Variants in NFATC1 observed in about 807,000 individuals in gnomAD.
The protein encoded by NFATC1 is nuclear factor of activated T-cells, cytoplasmic 1.
NFATC1 carries 22 observed loss-of-function variants against 76.0 expected under a neutral mutation model. That is an observed-to-expected ratio of 0.29 (90% CI 0.21 to 0.41). The LOEUF (loss-of-function observed/expected upper bound fraction) is 0.41. Ranked by LOEUF, NFATC1 falls within the 10% of genes least tolerant of loss-of-function variation. NFATC1 has a pLI of 1.00. For synonymous variants in NFATC1, 704 were observed against 613.1 expected (o/e 1.15, Z -2.19); for missense variants, 1,357 against 1,337.7 (o/e 1.01, Z -0.23).
chr18:79,444,958 A>G (rs1380340821), intron 3 of NFATC1, among the ~76,000 whole-genome samples: 6 of 152,220 alleles, frequency 3.9e-5, no homozygotes, highest in Non-Finnish European at 8.8e-5. Context: ...AGCCCCGGCA[A>G]GCACAGAAAT....
rs780292393 is a variant in NFATC1 at position 79,411,520 on chromosome 18, G to GCGGGA, written c.1226+24_1226+28dup. 11 of 1,439,462 alleles carry GCGGGA rather than the reference G, an allele frequency of 7.6e-6. No individual in the cohort carries two copies. The highest frequency in any genetic ancestry group is 7.3e-5 in the African/African-American group (5 of 68,134). The allele number at this position is 1,439,462 out of a possible 1,614,324, so 89.2% of individuals were successfully genotyped here. On this transcript the variant is annotated intron_variant, in intron 2 of 9. Coordinates refer to ENST00000427363, the MANE Select transcript of NFATC1 (RefSeq NM_001278669.2). The stretch of plus-strand genomic sequence containing the variant: ...ACATGAGGTGAGCCGGCAGCGCGGG[G>GCGGGA]CGGGACGGGGAGGCGAGGGGAGGCG...
rs547823058 is a variant in NFATC1, at chr18:79,513,232, G to A, written c.2783-14296G>A. On this transcript the variant is annotated intron_variant, in intron 9 of 9. Transcript: ENST00000427363. Reference sequence around the variant, plus strand: ...CCGGGTTCAGGGCACTGGGACCGCTGCAGAGACGCCGTCCCCGGCCCCCAC... The same window carrying A: ...CCGGGTTCAGGGCACTGGGACCGCTACAGAGACGCCGTCCCCGGCCCCCAC... Among the ~76,000 whole-genome samples the A allele has an allele frequency of 3.3e-5, 5 of 152,362 alleles. No individual in the cohort carries two copies. The East Asian group carries it at 7.7e-4, about 24-fold the overall frequency.
chr18:79,429,190 C>T (rs946829112), intron 2 of NFATC1, among the ~76,000 whole-genome samples: 9 of 146,106 alleles, frequency 6.2e-5, no homozygotes, highest in Non-Finnish European at 8.9e-5. Flanking sequence ...CACTGCACTC[C>T]AGCCTGGGCC....
intron 8 of NFATC1, among the ~76,000 whole-genome samples, chr18:79,476,676 G>T (rs1298557668): frequency 6.6e-6 from 1 of 152,224 alleles, no homozygotes; most frequent in Non-Finnish European, 1.5e-5. Flanking sequence ...CTGAGGGAAA[G>T]GGAATTCTCT....
intron 8 of NFATC1, among the ~76,000 whole-genome samples, chr18:79,480,319 C>T (rs1273765723): frequency 6.6e-6 from 1 of 152,134 alleles, no homozygotes; most frequent in East Asian, 1.9e-4. Flanking sequence ...GAGGGAGCGC[C>T]TGCCTGTGGG....
intron 2 of NFATC1, among the ~76,000 whole-genome samples, chr18:79,414,793 C>T (rs1328339439): frequency 2.6e-5 from 4 of 152,134 alleles, no homozygotes; most frequent in Non-Finnish European, 4.4e-5. Context: ...GGGGTAATGA[C>T]GGTGATCATA....
At position 79,465,617 on chromosome 18, in the gene NFATC1, C is replaced by T. The variant is rs2088444815; in HGVS notation, c.1960-1833C>T. Among the ~76,000 whole-genome samples the T allele has an allele frequency of 6.6e-6, 1 of 152,250 alleles. No homozygotes were observed. The highest frequency in any genetic ancestry group is 2.1e-4 in the South Asian group (1 of 4,832). ...ACTCCTCGCTGCTGCCTGTGAGTGCCTCCCGGCCCGTTACTATTTCAGTCT... is the reference window on the plus strand; with the variant it reads ...ACTCCTCGCTGCTGCCTGTGAGTGCTTCCCGGCCCGTTACTATTTCAGTCT... On this transcript the variant is annotated intron_variant, in intron 7 of 9. Transcript: ENST00000427363. The surrounding 1 kb of genome is among the most constrained non-coding windows in gnomAD (Gnocchi z 4.2).
At chr18:79,501,161 G>A (rs1353565631) in intron 9 of NFATC1, among the ~76,000 whole-genome samples, 3 of 152,134 alleles carry the variant, frequency 2.0e-5, no homozygotes, top group Non-Finnish European at 4.4e-5. Context: ...AGTAATGCAA[G>A]GTTGGTTTAG....
chr18:79,437,496 C>A (rs2086822027), intron 3 of NFATC1, among the ~76,000 whole-genome samples: 2 of 152,220 alleles, frequency 1.3e-5, no homozygotes, highest in African/African-American at 4.8e-5. Flanking sequence ...GATGCCGGGA[C>A]CTCGCCAGGC....
chr18:79,482,663 C>T (rs764081181), intron 8 of NFATC1, among the ~76,000 whole-genome samples: 5 of 119,888 alleles, frequency 4.2e-5, no homozygotes, highest in African/African-American at 1.5e-4. Flanking sequence ...GTAATTCCAG[C>T]GTGACCTGGT....
At chr18:79,424,016 G>A (rs58014733) in intron 2 of NFATC1, among the ~76,000 whole-genome samples, 63,800 of 151,992 alleles carry the variant, frequency 0.42, 13,989 homozygotes, top group African/African-American at 0.55. Flanking sequence ...CCGGGCCGCC[G>A]AGCCCTCCCT....
intron 9 of NFATC1, among the ~76,000 whole-genome samples, chr18:79,519,187 C>T (rs1289962232): frequency 6.6e-6 from 1 of 152,190 alleles, no homozygotes; most frequent in Non-Finnish European, 1.5e-5. Context: ...AACAAGGCAG[C>T]AGGAAAGTGG....
At chr18:79,411,833 G>C (rs1381906443) in intron 2 of NFATC1, among the ~76,000 whole-genome samples, 1 of 152,252 alleles carries the variant, frequency 6.6e-6, no homozygotes, top group Admixed American at 6.5e-5. Flanking sequence ...CCCTGCTGGC[G>C]GTCAGGGCTT....
intron 3 of NFATC1, among the ~76,000 whole-genome samples, chr18:79,440,174 A>T (rs1248922409): frequency 4.6e-5 from 7 of 152,124 alleles, no homozygotes. Context: ...AGCCTCCAAA[A>T]TCTTCTATTA....
At chr18:79,518,935 G>A (rs908554982) in intron 9 of NFATC1, among the ~76,000 whole-genome samples, 7 of 152,246 alleles carry the variant, frequency 4.6e-5, no homozygotes, top group Non-Finnish European at 1.0e-4. Context: ...GTGAGATGCT[G>A]AAGAGTCCGC....
In NFATC1 at chr18:79,411,235, C is replaced by T. The variant is rs771681886; in HGVS notation, c.960C>T (p.Thr320=). ...SAIVAAINAL[T]TDSSLDLGDG... ...TCGTGGCCGCCATCAACGCGCTGAC[C>T]ACCGACAGCAGCCTGGACCTGGGAG... Residue 320 remains threonine, a synonymous_variant, in exon 2 of 10, where the codon ACC becomes ACT. Coordinates refer to ENST00000427363, the MANE Select transcript of NFATC1 (RefSeq NM_001278669.2). The T allele has an allele frequency of 8.7e-6, 14 of 1,604,086 alleles. No individual in the cohort carries two copies. The highest frequency in any genetic ancestry group is 1.1e-5 in the Non-Finnish European group (13 of 1,179,826).
At chr18:79,443,732 G>T (rs1327330469) in intron 3 of NFATC1, among the ~76,000 whole-genome samples, 1 of 152,216 alleles carries the variant, frequency 6.6e-6, no homozygotes, top group Non-Finnish European at 1.5e-5. Context: ...AGGTACGATC[G>T]ATCCTGGTCC....
intron 9 of NFATC1, among the ~76,000 whole-genome samples, chr18:79,490,465 A>T (rs865892029): frequency 9.9e-5 from 15 of 151,988 alleles, no homozygotes; most frequent in African/African-American, 3.6e-4. Flanking sequence ...GCTCTCAGTC[A>T]TGGTGGGGTA....
chr18:79,520,609 G>C (rs2090502778), intron 9 of NFATC1, among the ~76,000 whole-genome samples: 1 of 123,560 alleles, frequency 8.1e-6, no homozygotes, highest in Non-Finnish European at 1.8e-5. Flanking sequence ...GTCTGTGTGT[G>C]TGTGGGGGGG....
Sources: gnomAD v4.1 joint callset for allele counts (sites outside exome capture counted in the v4.1 genomes callset) on GRCh38, gnomAD v4.1.1 for gene constraint, Gnocchi (gnomAD v3.1) non-coding constraint, MANE v1.5 for transcripts, NCBI Gene and HGNC (gene_info 2026-07-23, HGNC 2026-07-21) for gene names.